The following PCDHGA5 variants were observed in gnomAD, a reference collection of about 807,000 sequenced individuals.
PCDHGA5 encodes protocadherin gamma-A5.
A neutral mutation model predicts 56.7 loss-of-function variants in PCDHGA5; 36 were observed. The ratio of observed to expected loss-of-function variants is 0.64; its 90% CI spans 0.49 to 0.84. The LOEUF is 0.84. Ranked by LOEUF, PCDHGA5 falls within the 40% of genes least tolerant of loss-of-function variation. The pLI is 0.00. For synonymous variants in PCDHGA5, 563 were observed against 520.2 expected, an observed-to-expected ratio of 1.08 and a Z score of -1.12; for missense variants, 1,305 against 1,201.5, an observed-to-expected ratio of 1.09 and a Z score of -1.27.
At chr5:141,404,865 T>C (rs1308625182) in intron 1 of PCDHGA5, 12 of 1,613,552 alleles carry the variant, frequency 7.4e-6, no homozygotes, top group Non-Finnish European at 1.0e-5. Flanking sequence ...AGAGATGCGC[T>C]CAAACAGAGC....
intron 1 of PCDHGA5, chr5:141,394,938 G>A: frequency 6.2e-7 from 1 of 1,613,780 alleles, no homozygotes; most frequent in Non-Finnish European, 8.5e-7. Context: ...CGCCTTTGTC[G>A]CTGTGCTTCT....
At chr5:141,370,549 A>C in intron 1 of PCDHGA5, 1 of 1,613,956 alleles carries the variant, frequency 6.2e-7, no homozygotes, top group Non-Finnish European at 8.5e-7. Flanking sequence ...AACCTCGCCA[A>C]GGACCTGGGG....
chr5:141,424,127 A>T (rs901831932), intron 1 of PCDHGA5: 1 of 486,538 alleles, frequency 2.1e-6, no homozygotes, highest in African/African-American at 2.1e-5. Flanking sequence ...GATCCTGTTG[A>T]TTTAATAGCA....
At chr5:141,472,022 T>C (rs949257396) in intron 1 of PCDHGA5, among the ~76,000 whole-genome samples, 1 of 152,176 alleles carries the variant, frequency 6.6e-6, no homozygotes, top group Non-Finnish European at 1.5e-5. Flanking sequence ...CTATATTGTA[T>C]GTAGAAAGCT....
chr5:141,476,868 C>T lies in PCDHGA5; in HGVS notation c.2422-17939C>T, dbSNP rs1213404395. On this transcript the variant is annotated intron_variant, in intron 1 of 3. Coordinates refer to ENST00000518069, the MANE Select transcript of PCDHGA5 (RefSeq NM_018918.3). This position sits in a 1 kb window ranked among gnomAD's most constrained non-coding sequence, Gnocchi z 7.6. ...GTCTTCAACCAGTCCTTGTACCGGG[C>T]GCGCGTCCTGGAGGATGCACCCTCC... 3 of 1,613,874 alleles carry T rather than the reference C, an allele frequency of 1.9e-6. No individual in the cohort carries two copies. Among genetic ancestry groups the T allele is most frequent in the Admixed American group, 3.3e-5 (2 of 60,026 alleles).
chr5:141,375,973 C>A (rs577451422), intron 1 of PCDHGA5: 742 of 1,613,246 alleles, frequency 4.6e-4, no homozygotes, highest in Middle Eastern at 1.7e-3. Context: ...GCACGGCGCG[C>A]GCCCTGCTGG....
At chr5:141,415,255 A>G (rs908329007) in intron 1 of PCDHGA5, 1 of 1,613,620 alleles carries the variant, frequency 6.2e-7, no homozygotes, top group African/African-American at 1.3e-5. Context: ...CTCAGACCTC[A>G]CTCTGTACCT....
rs556415227 is a variant in PCDHGA5, at chr5:141,476,903, G to A, written c.2422-17904G>A. ...GGAGGATGCACCCTCCGGCACGCGC[G>A]TGGTACAAGTCCTTGCAACGGATCT... On this transcript the variant is annotated intron_variant, in intron 1 of 3. Transcript: ENST00000518069. This position sits in a 1 kb window ranked among gnomAD's most constrained non-coding sequence, Gnocchi z 7.6. The A allele has an allele frequency of 1.4e-5, 22 of 1,614,018 alleles. No homozygotes were observed. In the African/African-American group the frequency reaches 1.7e-4, roughly 13 times the overall value.
At chr5:141,400,154 T>G in intron 1 of PCDHGA5, 1 of 1,614,076 alleles carries the variant, frequency 6.2e-7, no homozygotes, top group Non-Finnish European at 8.5e-7. Context: ...GACCGCCCTG[T>G]ACCCTCTGAC....
chr5:141,491,138 C>T lies in PCDHGA5; in HGVS notation c.2422-3669C>T. The T allele has an allele frequency of 1.2e-6, 2 of 1,614,106 alleles. No individual in the cohort carries two copies. The highest frequency in any genetic ancestry group is 1.7e-6 in the Non-Finnish European group (2 of 1,179,962). On this transcript the variant is annotated intron_variant, in intron 1 of 3. Transcript: ENST00000518069. The surrounding 1 kb of genome is among the most constrained non-coding windows in gnomAD (Gnocchi z 6.9). ...ACTGGTGAGGTGCGCACAGCCCGGG[C>T]CTTACTGGAGGATGACTCTGACACC...
In PCDHGA5 at chr5:141,478,301, G is replaced by C. The variant is rs778427815; in HGVS notation, c.2422-16506G>C. ...GAAGCAGTCTAGAGACCTATACCGA[G>C]CCCCGGTGAGCTCACTGTACCGAAC... On this transcript the variant is annotated intron_variant, in intron 1 of 3. Coordinates refer to ENST00000518069, the MANE Select transcript of PCDHGA5 (RefSeq NM_018918.3). 2.5e-6 allele frequency: 4 copies of C among 1,614,074 alleles called. No individual in the cohort carries two copies. In the South Asian group the frequency reaches 4.4e-5, roughly 18 times the overall value.
intron 1 of PCDHGA5, among the ~76,000 whole-genome samples, chr5:141,452,476 C>T (rs968627914): frequency 6.6e-6 from 1 of 152,216 alleles, no homozygotes; most frequent in Admixed American, 6.5e-5. Context: ...AGGAAAAACA[C>T]ACATAAACAC....
At chr5:141,415,266 G>T in intron 1 of PCDHGA5, 1 of 1,614,218 alleles carries the variant, frequency 6.2e-7, no homozygotes, top group Non-Finnish European at 8.5e-7. Flanking sequence ...CTCTGTACCT[G>T]GTGGTAGCGG....
At chr5:141,422,725 G>C (rs1424048338) in intron 1 of PCDHGA5, 1 of 1,606,156 alleles carries the variant, frequency 6.2e-7, no homozygotes, top group African/African-American at 1.3e-5. Flanking sequence ...TGTCCAGGGG[G>C]TGCCTCTGTC....
chr5:141,457,417 CT>C lies in PCDHGA5; in HGVS notation c.2422-37385del, dbSNP rs894846890. On this transcript the variant is annotated intron_variant, in intron 1 of 3. Transcript: ENST00000518069. ...ATTCACATTTTCACATTACCCATCC[CT>C]TTTTCCCCCCCACCAAGCTGCAGAA... Among the ~76,000 whole-genome samples, 3 of 152,296 alleles carry C rather than the reference CT, an allele frequency of 2.0e-5. No individual in the cohort carries two copies. In the South Asian group the frequency reaches 6.2e-4, roughly 32 times the overall value.
chr5:141,460,979 GTGTGTATATATATATA>G (rs2099004425), intron 1 of PCDHGA5, among the ~76,000 whole-genome samples: 1 of 134,290 alleles, frequency 7.4e-6, no homozygotes, highest in Non-Finnish European at 1.5e-5. Flanking sequence ...GTGTGTGTGT[GTGTGTATATATATATA>G]TGTGTATATA....
chr5:141,456,875 A>C (rs2098894225), intron 1 of PCDHGA5, among the ~76,000 whole-genome samples: 1 of 152,190 alleles, frequency 6.6e-6, no homozygotes, highest in African/African-American at 2.4e-5. Context: ...AGGCAGGAGA[A>C]TCGCTTGAAC....
At chr5:141,376,356 C>T in intron 1 of PCDHGA5, 1 of 1,614,228 alleles carries the variant, frequency 6.2e-7, no homozygotes, top group South Asian at 1.1e-5. Flanking sequence ...CACGAGGTCT[C>T]ACTCACTGCA....
At chr5:141,492,312 C>T (rs1470136040) in intron 1 of PCDHGA5, among the ~76,000 whole-genome samples, 2 of 152,348 alleles carry the variant, frequency 1.3e-5, no homozygotes, top group African/African-American at 4.8e-5. Flanking sequence ...CGCACGCACT[C>T]CTCGCACGTG....
Sources: gnomAD v4.1 joint callset for allele counts (sites outside exome capture counted in the v4.1 genomes callset) on GRCh38, gnomAD v4.1.1 for gene constraint, Gnocchi (gnomAD v3.1) non-coding constraint, MANE v1.5 for transcripts, NCBI Gene and HGNC (gene_info 2026-07-23, HGNC 2026-07-21) for gene names.